Variants in KCNH8 observed in about 807,000 individuals in gnomAD.
KCNH8 encodes potassium voltage-gated channel subfamily H member 8, also known as voltage-gated delayed rectifier potassium channel KCNH8.
KCNH8 carries 70 observed loss-of-function variants against 103.6 expected under a neutral mutation model. That is an observed-to-expected ratio of 0.68 (90% confidence interval 0.56 to 0.82). KCNH8 has a LOEUF of 0.82. KCNH8 is among the 40% of genes least tolerant of loss of function. KCNH8 has a pLI of 0.00. For synonymous variants in KCNH8, 498 were observed against 489.4 expected (o/e 1.02, Z -0.23); for missense variants, 1,217 against 1,329.9 (o/e 0.92, Z 1.32).
At chr3:19,322,762 T>C (rs2065366837) in intron 3 of KCNH8, among the ~76,000 whole-genome samples, 1 of 152,246 alleles carries the variant, frequency 6.6e-6, no homozygotes, top group South Asian at 2.1e-4. Flanking sequence ...AGGGAAGCTT[T>C]CCTTGATTAT....
In KCNH8 at chr3:19,201,162, G is replaced by A. The variant is rs565869536; in HGVS notation, c.76+52367G>A. Among the ~76,000 whole-genome samples the A allele has an allele frequency of 5.0e-5, 7 of 139,974 alleles. No homozygotes were observed. In the East Asian group the frequency reaches 6.9e-4, roughly 14 times the overall value. The allele number at this position is 139,974 out of a possible 152,430, so 91.8% of individuals were successfully genotyped here. ...CATGAGAATCGTTTGAACCTGGAAG[G>A]TGGAGGTTGCAGTGAGCTGAGATCA... On this transcript the variant is annotated intron_variant, in intron 1 of 15. Transcript: ENST00000328405.
intron 2 of KCNH8, among the ~76,000 whole-genome samples, chr3:19,257,397 C>T (rs755262621): frequency 1.1e-4 from 17 of 151,994 alleles, no homozygotes; most frequent in Non-Finnish European, 1.9e-4. Context: ...TATTCTTTCT[C>T]GTTATCCTTC....
At chr3:19,475,648 A>G (rs181152680) in intron 11 of KCNH8, among the ~76,000 whole-genome samples, 17 of 152,348 alleles carry the variant, frequency 1.1e-4, no homozygotes, top group Admixed American at 9.2e-4. Context: ...GACTGTGTAA[A>G]TAACTGGAGA....
intron 10 of KCNH8, 64 bp downstream of exon 10, chr3:19,451,468 T>A: frequency 6.7e-7 from 1 of 1,501,692 alleles, no homozygotes; most frequent in Non-Finnish European, 9.2e-7. Context: ...GAAGATGAAA[T>A]GGGGGAAAAA....
intron 2 of KCNH8, among the ~76,000 whole-genome samples, chr3:19,270,600 C>T (rs988107113): frequency 6.6e-6 from 1 of 151,932 alleles, no homozygotes; most frequent in African/African-American, 2.4e-5. Flanking sequence ...AGTGAGGTGC[C>T]CACTTTATTT....
At chr3:19,156,050 A>T (rs1456921928) in intron 1 of KCNH8, among the ~76,000 whole-genome samples, 2 of 152,054 alleles carry the variant, frequency 1.3e-5, no homozygotes, top group Admixed American at 1.3e-4. Context: ...CCTTTTATTC[A>T]CTATTGCATG....
chr3:19,277,429 T>C (rs2064690380), intron 2 of KCNH8, among the ~76,000 whole-genome samples: 1 of 152,002 alleles, frequency 6.6e-6, no homozygotes, highest in African/African-American at 2.4e-5. Context: ...CCAGGCGTGG[T>C]GGTGCACGTC....
intron 11 of KCNH8, among the ~76,000 whole-genome samples, chr3:19,502,824 C>A (rs62276984): frequency 8.4e-5 from 12 of 142,718 alleles, no homozygotes; most frequent in South Asian, 2.3e-4. Context: ...CATAAAAACC[C>A]TAGAAGAAAA....
intron 1 of KCNH8, among the ~76,000 whole-genome samples, chr3:19,228,287 G>C (rs74845448): frequency 0.098 from 14,846 of 152,180 alleles, 2,428 homozygotes; most frequent in African/African-American, 0.33. Flanking sequence ...GAGTATTTGT[G>C]ACAGACTATA....
chr3:19,472,871 T>C (rs1290947874), intron 11 of KCNH8, among the ~76,000 whole-genome samples: 1 of 152,238 alleles, frequency 6.6e-6, no homozygotes, highest in Non-Finnish European at 1.5e-5. Context: ...CATCTTTTTT[T>C]ACTTTCTATT....
rs552279831 is a variant in KCNH8, at chr3:19,285,269, ATTGCATTCGCAT to A, written c.442+3944_442+3955del. On this transcript the variant is annotated intron_variant, in intron 3 of 15. Coordinates refer to ENST00000328405, the MANE Select transcript of KCNH8 (RefSeq NM_144633.3). Reference sequence around the variant, plus strand: ...ATTGAGCAGCCACTCTGACCCCAGCATTGCATTCGCATTTGGAGATGTCAAAATGGAGACAAT... The same window carrying A: ...ATTGAGCAGCCACTCTGACCCCAGCATTGGAGATGTCAAAATGGAGACAAT... 9.9e-4 allele frequency among the ~76,000 whole-genome samples: 151 copies of A among 152,318 alleles called. 1 individual carries two copies. The highest frequency in any genetic ancestry group is 3.4e-3 in the African/African-American group (142 of 41,584).
At chr3:19,261,300 G>A (rs1436852789) in intron 2 of KCNH8, among the ~76,000 whole-genome samples, 2 of 151,766 alleles carry the variant, frequency 1.3e-5, no homozygotes, top group East Asian at 3.9e-4. Flanking sequence ...TCCTAATGGT[G>A]TGAGATGATA....
At chr3:19,361,384 C>T (rs1345559905) in intron 5 of KCNH8, among the ~76,000 whole-genome samples, 1 of 152,120 alleles carries the variant, frequency 6.6e-6, no homozygotes, top group Non-Finnish European at 1.5e-5. Flanking sequence ...CAGGCCAGAA[C>T]ATCTCACGTC....
chr3:19,273,164 G>T (rs976599654), intron 2 of KCNH8, among the ~76,000 whole-genome samples: 3 of 152,172 alleles, frequency 2.0e-5, no homozygotes, highest in Non-Finnish European at 4.4e-5. Context: ...TCATTGCTCT[G>T]CAAAGGCCAT....
intron 11 of KCNH8, among the ~76,000 whole-genome samples, chr3:19,509,192 G>A (rs938120483): frequency 2.0e-5 from 3 of 152,104 alleles, no homozygotes; most frequent in African/African-American, 4.8e-5. Flanking sequence ...ATGTAGAATC[G>A]GTTGACTGCT....
chr3:19,170,613 T>TATATATATATATATATAC (rs537607586), intron 1 of KCNH8, among the ~76,000 whole-genome samples: 1 of 143,214 alleles, frequency 7.0e-6, no homozygotes, highest in African/African-American at 2.7e-5. Context: ...TATATATGTA[T>TATATATATATATATATAC]ACACACACAT....
At chr3:19,372,848 T>C (rs1346308340) in intron 5 of KCNH8, among the ~76,000 whole-genome samples, 2 of 152,044 alleles carry the variant, frequency 1.3e-5, no homozygotes, top group Admixed American at 6.6e-5. Flanking sequence ...TCAAAGGCTT[T>C]TTCTGCATCT....
At chr3:19,218,981 C>T (rs189606309) in intron 1 of KCNH8, among the ~76,000 whole-genome samples, 146 of 152,282 alleles carry the variant, frequency 9.6e-4, no homozygotes, top group Middle Eastern at 3.4e-3. Context: ...CAAATCAGGT[C>T]ACATTCTGCA....
intron 1 of KCNH8, among the ~76,000 whole-genome samples, chr3:19,162,936 A>G (rs567294879): frequency 1.1e-4 from 17 of 152,264 alleles, no homozygotes; most frequent in African/African-American, 3.8e-4. Flanking sequence ...TCCTGTATAT[A>G]GCAAAATTTG....
Sources: gnomAD v4.1 joint callset for allele counts (sites outside exome capture counted in the v4.1 genomes callset) on GRCh38, gnomAD v4.1.1 for gene constraint, MANE v1.5 for transcripts, NCBI Gene and HGNC (gene_info 2026-07-23, HGNC 2026-07-21) for gene names.